Variants in PINX1 observed in about 807,000 individuals in gnomAD.
PINX1 encodes the protein PIN2/TERF1-interacting telomerase inhibitor 1.
A neutral mutation model predicts 25.4 loss-of-function variants in PINX1; 34 were observed. The ratio of observed to expected loss-of-function variants is 1.34; its 90% CI spans 1.02 to 1.78. PINX1 has a LOEUF of 1.78. PINX1 is among the 40% of genes most tolerant of loss of function. PINX1 has a pLI of 0.00. For missense variants in PINX1, 592 were observed against 404.9 expected (o/e 1.46, Z -3.97); for synonymous variants, 197 against 147.7 (o/e 1.33, Z -2.42).
At chr8:10,827,838 G>T (rs1322749629) in intron 4 of PINX1, among the ~76,000 whole-genome samples, 4 of 149,332 alleles carry the variant, frequency 2.7e-5, no homozygotes, top group Non-Finnish European at 5.9e-5. Context: ...GTGAACCTGG[G>T]AGGCAGAGCT....
intron 6 of PINX1, among the ~76,000 whole-genome samples, chr8:10,766,239 C>G (rs540260704): frequency 5.0e-4 from 76 of 152,338 alleles, no homozygotes; most frequent in African/African-American, 1.8e-3. Flanking sequence ...GAGTAAATGT[C>G]TCCCTAGAAA....
intron 6 of PINX1, among the ~76,000 whole-genome samples, chr8:10,794,427 G>A (rs1360704730): frequency 2.6e-5 from 4 of 151,602 alleles, no homozygotes; most frequent in East Asian, 1.9e-4. Context: ...CAAACCCTTC[G>A]CCTGTTGCTA....
rs372958777 is a variant in PINX1 at position 10,839,801 on chromosome 8, C to G, written c.-45G>C. ...CGCCGCCTCTGGACCTGGGTGACTG[C>G]GGCCACTGGGCGGGCTGGAGACTCC... On this transcript the variant is annotated 5_prime_UTR_variant, in exon 1 of 7. Coordinates refer to ENST00000314787, the MANE Select transcript of PINX1 (RefSeq NM_017884.6). 7 of 1,582,166 alleles carry G rather than the reference C, an allele frequency of 4.4e-6. No homozygotes were observed. The African/African-American group carries it at 9.4e-5, about 21-fold the overall frequency.
At chr8:10,833,071 C>CG in intron 2 of PINX1, 87 bp from the exon 3 acceptor site, 1 of 769,186 alleles carries the variant, frequency 1.3e-6, no homozygotes, top group Non-Finnish European at 2.1e-6. Flanking sequence ...CAGATGCCTA[C>CG]GGCAGGTGTT....
chr8:10,790,035 G>C (rs192971066), intron 6 of PINX1, among the ~76,000 whole-genome samples: 1 of 152,170 alleles, frequency 6.6e-6, no homozygotes, highest in African/African-American at 2.4e-5. Flanking sequence ...TGCTGTCACA[G>C]CCAAGCGGCA....
chr8:10,822,324 ATTTG>A (rs1307940889), intron 5 of PINX1, among the ~76,000 whole-genome samples: 1 of 152,194 alleles, frequency 6.6e-6, no homozygotes, highest in Non-Finnish European at 1.5e-5. Flanking sequence ...TAAAAAGCTT[ATTTG>A]TTTGAGTTCT....
chr8:10,766,540 C>T (rs916688357), intron 6 of PINX1, among the ~76,000 whole-genome samples: 4 of 152,186 alleles, frequency 2.6e-5, no homozygotes, highest in African/African-American at 7.2e-5. Context: ...GGAGACTCCG[C>T]GTGTCTCAGC....
At chr8:10,795,883 T>A (rs1802069307) in intron 6 of PINX1, among the ~76,000 whole-genome samples, 1 of 152,206 alleles carries the variant, frequency 6.6e-6, no homozygotes, top group South Asian at 2.1e-4. Context: ...GATTTTTTTT[T>A]TTCATGATGC....
At chr8:10,831,575 A>C (rs2129089638) in intron 4 of PINX1, 90 bp downstream of exon 4, 1 of 775,498 alleles carries the variant, frequency 1.3e-6, no homozygotes, top group South Asian at 1.5e-5. Context: ...AATATGTATA[A>C]TTATGTGTCA....
intron 4 of PINX1, among the ~76,000 whole-genome samples, chr8:10,827,129 A>G (rs532443559): frequency 6.6e-6 from 1 of 152,364 alleles, no homozygotes; most frequent in African/African-American, 2.4e-5. Flanking sequence ...AAAGACGTTC[A>G]GGACTCTCTG....
At chr8:10,777,120 T>C (rs1276760116) in intron 6 of PINX1, among the ~76,000 whole-genome samples, 2 of 152,234 alleles carry the variant, frequency 1.3e-5, no homozygotes, top group Non-Finnish European at 2.9e-5. Flanking sequence ...GGTGAAGCTC[T>C]AACCAAACAA....
chr8:10,824,364 T>A (rs1797971166), intron 5 of PINX1, among the ~76,000 whole-genome samples: 1 of 152,184 alleles, frequency 6.6e-6, no homozygotes, highest in African/African-American at 2.4e-5. Context: ...GGACTTTTGC[T>A]TCCTTCTCCC....
At chr8:10,838,095 T>C (rs1247591781) in intron 1 of PINX1, among the ~76,000 whole-genome samples, 2 of 152,218 alleles carry the variant, frequency 1.3e-5, no homozygotes, top group Non-Finnish European at 2.9e-5. Flanking sequence ...CCGTTTACTG[T>C]CCATAAATAC....
chr8:10,804,964 C>G (rs1183347304), intron 6 of PINX1, among the ~76,000 whole-genome samples: 1 of 151,918 alleles, frequency 6.6e-6, no homozygotes, highest in Non-Finnish European at 1.5e-5. Context: ...TGGTTTGACG[C>G]TACAAAGGGA....
chr8:10,799,627 G>A (rs1394222255), intron 6 of PINX1, among the ~76,000 whole-genome samples: 1 of 152,162 alleles, frequency 6.6e-6, no homozygotes, highest in African/African-American at 2.4e-5. Flanking sequence ...GACCACATTG[G>A]TGACCACTCC....
chr8:10,823,655 T>C (rs993669313), intron 5 of PINX1, among the ~76,000 whole-genome samples: 3 of 152,114 alleles, frequency 2.0e-5, no homozygotes, highest in Admixed American at 2.0e-4. Context: ...GGAATAATTA[T>C]ATATCAGAAC....
chr8:10,777,890 C>T (rs1240008001), intron 6 of PINX1, among the ~76,000 whole-genome samples: 2 of 152,160 alleles, frequency 1.3e-5, no homozygotes, highest in African/African-American at 4.8e-5. Context: ...GGTTGCAGAG[C>T]GGGTGCCTTC....
At chr8:10,802,433 T>G (rs1802296656) in intron 6 of PINX1, among the ~76,000 whole-genome samples, 1 of 152,162 alleles carries the variant, frequency 6.6e-6, no homozygotes, top group African/African-American at 2.4e-5. Flanking sequence ...TCAATCAAAT[T>G]TGGATATCCC....
At chr8:10,799,498 C>A (rs1028013741) in intron 6 of PINX1, among the ~76,000 whole-genome samples, 4 of 152,196 alleles carry the variant, frequency 2.6e-5, no homozygotes, top group Non-Finnish European at 5.9e-5. Context: ...ACCAAAGATT[C>A]CAGTTCATTC....
Sources: gnomAD v4.1 joint callset for allele counts (sites outside exome capture counted in the v4.1 genomes callset) on GRCh38, gnomAD v4.1.1 for gene constraint, MANE v1.5 for transcripts, NCBI Gene and HGNC (gene_info 2026-07-23, HGNC 2026-07-21) for gene names.